Variants in ABLIM2 observed in about 807,000 individuals in gnomAD.
ABLIM2 encodes the protein actin binding LIM protein family member 2, also known as actin-binding LIM protein 2.
ABLIM2 carries 53 observed loss-of-function variants against 97.7 expected under a neutral mutation model. The observed-to-expected ratio is 0.54, with a 90% CI of 0.44 to 0.68. The LOEUF (loss-of-function observed/expected upper bound fraction) is 0.68, where lower values mean the gene tolerates loss of function less well. ABLIM2 is among the 30% of genes least tolerant of loss of function. The pLI, the probability that ABLIM2 is intolerant of heterozygous loss-of-function variation, is 0.00. For missense variants in ABLIM2, 835 were observed against 867.2 expected (o/e 0.96, Z 0.47); for synonymous variants, 361 against 345.8 (o/e 1.04, Z -0.49).
chr4:8,102,840 C>CACG lies in ABLIM2; in HGVS notation c.154+3651_154+3653dup, dbSNP rs558819306. ...ACGGCCATGATTGGGCTAAGTCAGC[C>CACG]ACGAGCCCCCCGTTCCTCTTTGCCG... On this transcript the variant is annotated intron_variant, in intron 2 of 20. Transcript: ENST00000447017. Among the ~76,000 whole-genome samples, 10 of 152,354 alleles carry CACG rather than the reference C, an allele frequency of 6.6e-5. No individual in the cohort carries two copies. In the South Asian group the frequency reaches 2.1e-3, roughly 32 times the overall value.
chr4:8,069,911 CAT>C lies in ABLIM2; in HGVS notation c.675+7715_675+7716del, dbSNP rs1462658992. Among the ~76,000 whole-genome samples the C allele has an allele frequency of 6.6e-6, 1 of 151,610 alleles. No homozygotes were observed. The highest frequency in any genetic ancestry group is 2.4e-5 in the African/African-American group (1 of 41,232). ...CTGTGTTTATGTTGGTTGTGTGTGT[CAT>C]GTGTTTCTTTCTGTGTGTTTATTTC... On this transcript the variant is annotated intron_variant, in intron 6 of 20. Coordinates refer to ENST00000447017, the MANE Select transcript of ABLIM2 (RefSeq NM_001130083.2). The surrounding 1 kb of genome is among the most constrained non-coding windows in gnomAD (Gnocchi z 4.2).
At chr4:8,007,562 A>G in intron 16 of ABLIM2, 2 of 986,486 alleles carry the variant, frequency 2.0e-6, no homozygotes, top group Non-Finnish European at 2.4e-6. Context: ...TCAGTCTTCA[A>G]AACACCCCTA....
At chr4:7,980,146 C>T (rs4696927) in intron 20 of ABLIM2, among the ~76,000 whole-genome samples, 25,865 of 152,068 alleles carry the variant, frequency 0.17, 2,769 homozygotes, top group East Asian at 0.51. Context: ...GAATGAACCC[C>T]CCCTCTCTGC....
chr4:7,969,453 T>TCAAA (rs1190953679), intron 20 of ABLIM2, among the ~76,000 whole-genome samples: 15 of 151,984 alleles, frequency 9.9e-5, no homozygotes, highest in African/African-American at 2.4e-4. Context: ...AGACCCTGTC[T>TCAAA]CAAACAAACA....
rs183451343 is a variant in ABLIM2, at chr4:8,067,915, G to A, written c.676-6861C>T. Among the ~76,000 whole-genome samples, 440 of 152,290 alleles carry A rather than the reference G, an allele frequency of 2.9e-3. 1 individual carries two copies. Among genetic ancestry groups the A allele is most frequent in the Non-Finnish European group, 4.0e-3 (274 of 68,020 alleles). On this transcript the variant is annotated intron_variant, in intron 6 of 20. Transcript: ENST00000447017. The surrounding 1 kb of genome is among the most constrained non-coding windows in gnomAD (Gnocchi z 5.4). ...TGTGATTCCAGAGGACATTTAGCTGGAAGGTACCGGCATGGCACAGGTCAC... is the reference window on the plus strand; with the variant it reads ...TGTGATTCCAGAGGACATTTAGCTGAAAGGTACCGGCATGGCACAGGTCAC...
chr4:7,983,148 T>C, intron 20 of ABLIM2, 116 bp downstream of exon 20: 3 of 1,083,138 alleles, frequency 2.8e-6, no homozygotes, highest in Non-Finnish European at 4.1e-6. Context: ...ACGGCAAGGC[T>C]CTGCACTGTC....
In ABLIM2 at chr4:7,999,624, A is replaced by C. The variant is rs1032869587; in HGVS notation, c.1619-6697T>G. Among the ~76,000 whole-genome samples, 6 of 152,210 alleles carry C rather than the reference A, an allele frequency of 3.9e-5. No homozygotes were observed. Among genetic ancestry groups the C allele is most frequent in the African/African-American group, 1.4e-4 (6 of 41,446 alleles). On this transcript the variant is annotated intron_variant, in intron 16 of 20. Coordinates refer to ENST00000447017, the MANE Select transcript of ABLIM2 (RefSeq NM_001130083.2). The surrounding 1 kb of genome is among the most constrained non-coding windows in gnomAD (Gnocchi z 4.4). ...AGGCATGTGGGGTCTAATGCATGTCAGATGGAAGCAGACAGCCTTCAAGAG... is the reference window on the plus strand; with the variant it reads ...AGGCATGTGGGGTCTAATGCATGTCCGATGGAAGCAGACAGCCTTCAAGAG...
chr4:8,071,466 C>T lies in ABLIM2; in HGVS notation c.675+6162G>A, dbSNP rs1327494572. Among the ~76,000 whole-genome samples the T allele has an allele frequency of 6.6e-6, 1 of 152,184 alleles. No homozygotes were observed. The highest frequency in any genetic ancestry group is 1.5e-5 in the Non-Finnish European group (1 of 68,018). On this transcript the variant is annotated intron_variant, in intron 6 of 20. Coordinates refer to ENST00000447017, the MANE Select transcript of ABLIM2 (RefSeq NM_001130083.2). The surrounding 1 kb of genome is among the most constrained non-coding windows in gnomAD (Gnocchi z 6.2). ...CACTGTCACCACCAAATGCACATTT[C>T]GCGGGCAGGCGGGCACTGCGGGCGC...
At chr4:7,983,643 C>A (rs969500960) in intron 18 of ABLIM2, 89 bp from the exon 19 acceptor site, 5 of 1,488,122 alleles carry the variant, frequency 3.4e-6, no homozygotes, top group Middle Eastern at 1.7e-4. Flanking sequence ...CCTGGGGTAC[C>A]CCTGTCTCCC....
intron 20 of ABLIM2, among the ~76,000 whole-genome samples, chr4:7,973,229 G>A (rs999521775): frequency 3.3e-5 from 5 of 151,796 alleles, no homozygotes; most frequent in South Asian, 2.1e-4. Context: ...CTGAGGTGTC[G>A]GCTGGGCACA....
rs1775168354 is a variant in ABLIM2 at position 8,023,284 on chromosome 4, A to G, written c.1268-2981T>C. Among the ~76,000 whole-genome samples the G allele has an allele frequency of 6.6e-6, 1 of 152,094 alleles. No individual in the cohort carries two copies. The highest frequency in any genetic ancestry group is 2.4e-5 in the African/African-American group (1 of 41,394). ...TCACCTGATGTTCTTCCGCTCCAGG[A>G]TCCCACCCAGGAAACATGACGTTCT... On this transcript the variant is annotated intron_variant, in intron 12 of 20. Coordinates refer to ENST00000447017, the MANE Select transcript of ABLIM2 (RefSeq NM_001130083.2). This position sits in a 1 kb window ranked among gnomAD's most constrained non-coding sequence, Gnocchi z 5.7.
In ABLIM2 at chr4:8,071,123, C is replaced by G. The variant is rs188012458; in HGVS notation, c.675+6505G>C. On this transcript the variant is annotated intron_variant, in intron 6 of 20. Coordinates refer to ENST00000447017, the MANE Select transcript of ABLIM2 (RefSeq NM_001130083.2). The surrounding 1 kb of genome is among the most constrained non-coding windows in gnomAD (Gnocchi z 6.2). ...GTCTAGAGGCTGGTCACACCGCTGT[C>G]CCCGTGGATTCGCCAGCTGAGTCCC... Among the ~76,000 whole-genome samples, 1 of 151,980 alleles carries G rather than the reference C, an allele frequency of 6.6e-6. No individual in the cohort carries two copies. Among genetic ancestry groups the G allele is most frequent in the African/African-American group, 2.4e-5 (1 of 41,346 alleles).
In ABLIM2 at chr4:8,019,763, G is replaced by C; in HGVS notation, c.1370-92C>G. Reference sequence around the variant, plus strand: ...TTCTACAGCTTTTTGTAAGCAACAAGCACTCACCCAGATTTAGAATCATCA... The same window carrying C: ...TTCTACAGCTTTTTGTAAGCAACAACCACTCACCCAGATTTAGAATCATCA... On this transcript the variant is annotated intron_variant, in intron 13 of 20. Coordinates refer to ENST00000447017, the MANE Select transcript of ABLIM2 (RefSeq NM_001130083.2). The surrounding 1 kb of genome is among the most constrained non-coding windows in gnomAD (Gnocchi z 4.3). 2 of 1,221,318 alleles carry C rather than the reference G, an allele frequency of 1.6e-6. No individual in the cohort carries two copies. The highest frequency in any genetic ancestry group is 3.9e-5 in the Admixed American group (2 of 50,960). 75.7% of individuals were successfully genotyped at this position (1,221,318 alleles called of 1,614,324 possible).
rs1426976939 is a variant in ABLIM2 at position 8,085,475 on chromosome 4, G to A, written c.454+2694C>T. Among the ~76,000 whole-genome samples the A allele has an allele frequency of 4.0e-5, 6 of 151,564 alleles. No individual in the cohort carries two copies. Among genetic ancestry groups the A allele is most frequent in the Admixed American group, 1.3e-4 (2 of 15,242 alleles). ...ACGCTGCAGCCCCGTCCACTCACAC[G>A]GGTCTGGGGGTGCCCACGCTGCAGT... On this transcript the variant is annotated intron_variant, in intron 4 of 20. Transcript: ENST00000447017. The surrounding 1 kb of genome is among the most constrained non-coding windows in gnomAD (Gnocchi z 6.1).
At position 8,127,646 on chromosome 4, in the gene ABLIM2, G is replaced by C. The variant is rs1157906302; in HGVS notation, c.11-21009C>G. The C allele has an allele frequency of 7.8e-7, 1 of 1,286,954 alleles. No individual in the cohort carries two copies. Among genetic ancestry groups the C allele is most frequent in the African/African-American group, 1.5e-5 (1 of 65,838 alleles). The allele number at this position is 1,286,954 out of a possible 1,614,324, so 79.7% of individuals were successfully genotyped here. A position where few individuals can be genotyped will look rare whatever the true frequency, so the allele number is the denominator to read the frequency against. On this transcript the variant is annotated intron_variant, in intron 1 of 20. Coordinates refer to ENST00000447017, the MANE Select transcript of ABLIM2 (RefSeq NM_001130083.2). This position sits in a 1 kb window ranked among gnomAD's most constrained non-coding sequence, Gnocchi z 7.3. ...CGTGGCTGGGCCTGGCACCCACGGA[G>C]GATCGGGCAGGAGTGGACCGGGGAA...
Position 7,967,020 on chromosome 4 carries a change from A to C in ABLIM2, c.1908T>G (p.Asn636Lys), listed in dbSNP as rs757686784. 1 of 1,613,810 alleles carries C rather than the reference A, an allele frequency of 6.2e-7. No homozygotes were observed. The highest frequency in any genetic ancestry group is 1.1e-5 in the South Asian group (1 of 91,090). The change falls in exon 21 of 21, where the codon AAT (asparagine) becomes AAG (lysine). Residue 636 changes from asparagine (N) to lysine (K), a missense_variant. Coordinates refer to ENST00000447017, the MANE Select transcript of ABLIM2 (RefSeq NM_001130083.2). The part of the protein sequence containing the change: ...EFDRLALWKR[N>K]DLKKKALLF ...ACAAAAGGGCTTTCTTCTTAAGGTC[A>C]TTCCTCTTCCAGAGGGCCAGGCGGT... is the stretch of plus-strand genomic sequence containing the variant.
Position 8,071,684 on chromosome 4 carries a change from T to C in ABLIM2, c.675+5944A>G, listed in dbSNP as rs1812229233. 2.1e-6 allele frequency: 2 copies of C among 968,568 alleles called. No homozygotes were observed. The allele number at this position is 968,568 out of a possible 1,614,324, so 60.0% of individuals were successfully genotyped here. A position where few individuals can be genotyped will look rare whatever the true frequency, so the allele number is the denominator to read the frequency against. ...CGAGGTCTCACACCTGACTGCTCTG[T>C]CCCCAAAAACCCACCCACCCGCAGC... is the stretch of plus-strand genomic sequence containing the variant. On this transcript the variant is annotated intron_variant, in intron 6 of 20. Transcript: ENST00000447017. The surrounding 1 kb of genome is among the most constrained non-coding windows in gnomAD (Gnocchi z 6.2).
rs527841870 is a variant in ABLIM2 at position 8,145,436 on chromosome 4, G to A, written c.10+13244C>T. 2.0e-3 allele frequency among the ~76,000 whole-genome samples: 300 copies of A among 151,960 alleles called. 2 individuals are homozygous for A. Among genetic ancestry groups the A allele is most frequent in the African/African-American group, 6.8e-3 (284 of 41,462 alleles). On this transcript the variant is annotated intron_variant, in intron 1 of 20. Transcript: ENST00000447017. ...TGACCTCAGGTGATCTGCCCACCTC[G>A]GCTTCCCAAAGTGCTGGGATTACAG...
At chr4:8,092,109 T>C (rs556729455) in intron 3 of ABLIM2, among the ~76,000 whole-genome samples, 62 of 150,780 alleles carry the variant, frequency 4.1e-4, no homozygotes, top group Admixed American at 9.4e-4. Flanking sequence ...GTGATCCTCC[T>C]GCCTCAGCCT....
Sources: gnomAD v4.1 joint callset for allele counts (sites outside exome capture counted in the v4.1 genomes callset) on GRCh38, gnomAD v4.1.1 for gene constraint, Gnocchi (gnomAD v3.1) non-coding constraint, MANE v1.5 for transcripts, NCBI Gene and HGNC (gene_info 2026-07-23, HGNC 2026-07-21) for gene names.